DAB1: variants seen among roughly 807,000 people sequenced by gnomAD.
DAB1 encodes DAB adaptor protein 1, also known as disabled homolog 1.
DAB1 carries 15 observed loss-of-function variants against 64.6 expected under a neutral mutation model. The ratio of observed to expected loss-of-function variants is 0.23; its 90% CI spans 0.16 to 0.36. DAB1 has a LOEUF of 0.36. DAB1 is among the 10% of genes least tolerant of loss of function. DAB1 has a pLI of 1.00. For missense variants in DAB1, 596 were observed against 706.7 expected, an observed-to-expected ratio of 0.84 and a Z score of 1.78; for synonymous variants, 235 against 251.9, an observed-to-expected ratio of 0.93 and a Z score of 0.64.
chr1:57,778,908 A>ACTCCCTCCCTTCCTTTATTCTTTCCTTCC (rs1649940125), intron 6 of DAB1, among the ~76,000 whole-genome samples: 1 of 134,180 alleles, frequency 7.5e-6, no homozygotes, highest in Non-Finnish European at 1.6e-5. Flanking sequence ...TCCCTTACTC[A>ACTCCCTCCCTTCCTTTATTCTTTCCTTCC]CTCCCTCCCT....
chr1:57,271,817 G>A (rs1003942060), intron 2 of DAB1, among the ~76,000 whole-genome samples: 1 of 152,188 alleles, frequency 6.6e-6, no homozygotes, highest in Admixed American at 6.5e-5. Context: ...CATCCACAGG[G>A]TGGGCTGTAA....
intron 1 of DAB1, among the ~76,000 whole-genome samples, chr1:57,393,094 T>C (rs889917106): frequency 6.6e-6 from 1 of 152,188 alleles, no homozygotes; most frequent in South Asian, 2.1e-4. Flanking sequence ...TTTTGATATA[T>C]GTATACATTG....
At chr1:57,086,277 C>CCGT (rs904695060) in intron 4 of DAB1, among the ~76,000 whole-genome samples, 15 of 152,042 alleles carry the variant, frequency 9.9e-5, no homozygotes, top group African/African-American at 3.6e-4. Flanking sequence ...AGCTGGGTGC[C>CCGT]CGTCGATGGA....
chr1:58,130,578 T>C (rs897503442), intron 5 of DAB1, among the ~76,000 whole-genome samples: 110 of 152,274 alleles, frequency 7.2e-4, no homozygotes, highest in African/African-American at 2.5e-3. Flanking sequence ...TTTGGCATGA[T>C]TTTGCAGCGG....
chr1:57,554,083 G>A (rs17116002), intron 7 of DAB1, among the ~76,000 whole-genome samples: 9,386 of 152,206 alleles, frequency 0.062, 583 homozygotes, highest in African/African-American at 0.14. Flanking sequence ...AGGAATTAAA[G>A]AAAACATGAA....
intron 4 of DAB1, among the ~76,000 whole-genome samples, chr1:58,156,036 C>A (rs593257): frequency 0.2 from 31,170 of 152,098 alleles, 3,951 homozygotes; most frequent in East Asian, 0.42. Context: ...GTTAAAAGTG[C>A]AAGTCTTTTT....
intron 4 of DAB1, among the ~76,000 whole-genome samples, chr1:58,290,473 G>A (rs1396659516): frequency 6.6e-6 from 1 of 152,088 alleles, no homozygotes; most frequent in African/African-American, 2.4e-5. Flanking sequence ...AGCAGCAGAA[G>A]GTAAAGGTAG....
chr1:57,757,061 C>T (rs1648843776), intron 6 of DAB1, among the ~76,000 whole-genome samples: 2 of 152,088 alleles, frequency 1.3e-5, no homozygotes, highest in African/African-American at 4.8e-5. Flanking sequence ...AGCAGTGTTT[C>T]TCAAACTTTT....
At chr1:57,999,021 G>A (rs1391241065) in intron 5 of DAB1, among the ~76,000 whole-genome samples, 4 of 152,174 alleles carry the variant, frequency 2.6e-5, no homozygotes, top group African/African-American at 9.6e-5. Context: ...AAAAGCCACT[G>A]AACCTCTTCT....
intron 1 of DAB1, among the ~76,000 whole-genome samples, chr1:58,544,956 G>A (rs1404004152): frequency 1.3e-5 from 2 of 152,144 alleles, no homozygotes; most frequent in Non-Finnish European, 2.9e-5. Flanking sequence ...GCCCAGGCTG[G>A]TTTTTAACTC....
chr1:58,153,014 C>T (rs1486909691), intron 4 of DAB1, among the ~76,000 whole-genome samples: 1 of 152,018 alleles, frequency 6.6e-6, no homozygotes, highest in Non-Finnish European at 1.5e-5. Context: ...AGAAAGAAAA[C>T]AAAAAAATTG....
intron 1 of DAB1, among the ~76,000 whole-genome samples, chr1:57,381,324 C>T (rs916570524): frequency 2.0e-5 from 3 of 152,124 alleles, no homozygotes; most frequent in Non-Finnish European, 2.9e-5. Context: ...AGGGAACAAG[C>T]CTTGGGTAAT....
At chr1:58,167,502 G>C (rs957620783) in intron 4 of DAB1, among the ~76,000 whole-genome samples, 7 of 152,202 alleles carry the variant, frequency 4.6e-5, no homozygotes, top group Admixed American at 4.6e-4. Flanking sequence ...CTGTAAAATG[G>C]ATCAATCAGC....
chr1:57,199,719 G>A (rs1356793034), intron 2 of DAB1, among the ~76,000 whole-genome samples: 1 of 152,120 alleles, frequency 6.6e-6, no homozygotes, highest in Non-Finnish European at 1.5e-5. Flanking sequence ...AGAAGTCCGA[G>A]GCCCAACTGC....
At chr1:57,672,970 C>T (rs1172131476) in intron 6 of DAB1, among the ~76,000 whole-genome samples, 1 of 152,122 alleles carries the variant, frequency 6.6e-6, no homozygotes, top group African/African-American at 2.4e-5. Context: ...ATCATAGTGA[C>T]TCATCTTTTG....
At chr1:57,963,577 T>A (rs1043504608) in intron 5 of DAB1, among the ~76,000 whole-genome samples, 5 of 152,216 alleles carry the variant, frequency 3.3e-5, no homozygotes, top group African/African-American at 1.2e-4. Context: ...CATTAAATGA[T>A]TTCTTGTTGT....
At chr1:57,329,255 A>G (rs539136785) in intron 1 of DAB1, among the ~76,000 whole-genome samples, 52 of 152,306 alleles carry the variant, frequency 3.4e-4, no homozygotes, top group African/African-American at 1.2e-3. Flanking sequence ...GATCCCAGGC[A>G]GCCTGCTTTC....
At position 57,409,714 on chromosome 1, in the gene DAB1, C is replaced by T. The variant is rs1683951817; in HGVS notation, c.-137+14216G>A. Among the ~76,000 whole-genome samples, 3 of 152,162 alleles carry T rather than the reference C, an allele frequency of 2.0e-5. No individual in the cohort carries two copies. The East Asian group carries it at 5.8e-4, about 29-fold the overall frequency. On this transcript the variant is annotated intron_variant, in intron 1 of 14. Coordinates refer to ENST00000371236, the MANE Select transcript of DAB1 (RefSeq NM_001365792.1). ...ATCCCAGCTACTCGGGAGGCTGAGG[C>T]AGGAGAATCACTTGAACCCAGGAGG... is the stretch of plus-strand genomic sequence containing the variant.
At chr1:58,193,379 AC>A (rs1387836187) in intron 4 of DAB1, among the ~76,000 whole-genome samples, 1 of 152,204 alleles carries the variant, frequency 6.6e-6, no homozygotes, top group African/African-American at 2.4e-5. Context: ...AGCCCACAGC[AC>A]CCTGAGCCAA....
Sources: gnomAD v4.1 joint callset for allele counts (sites outside exome capture counted in the v4.1 genomes callset) on GRCh38, gnomAD v4.1.1 for gene constraint, MANE v1.5 for transcripts, NCBI Gene and HGNC (gene_info 2026-07-23, HGNC 2026-07-21) for gene names.